Variants in ACACA observed in about 807,000 individuals in gnomAD.
ACACA encodes acetyl-CoA carboxylase alpha.
Under a neutral mutation model 296.1 loss-of-function variants are expected in ACACA, and 103 were observed. The ratio of observed to expected loss-of-function variants is 0.35; its 90% CI spans 0.30 to 0.41. The LOEUF (loss-of-function observed/expected upper bound fraction) is 0.41. ACACA is among the 10% of genes least tolerant of loss of function. The probability of loss-of-function intolerance (pLI) is 1.00; values close to 1 mark genes in which losing one functional copy is unlikely to be tolerated. For missense variants in ACACA, 1,554 were observed against 2,989.7 expected (o/e 0.52, Z 11.20); for synonymous variants, 953 against 1,038.6 (o/e 0.92, Z 1.58).
chr17:37,137,572 T>C (rs2075385432), intron 45 of ACACA, among the ~76,000 whole-genome samples: 1 of 152,238 alleles, frequency 6.6e-6, no homozygotes, highest in Admixed American at 6.5e-5. Flanking sequence ...CTATGTATTC[T>C]ATAAAACCTC....
intron 1 of ACACA, chr17:37,365,529 C>T: frequency 2.0e-6 from 2 of 985,432 alleles, no homozygotes; most frequent in Non-Finnish European, 2.4e-6. Flanking sequence ...TATATAGCTG[C>T]TTTACAGATG....
chr17:37,291,025 T>C (rs866698536), intron 3 of ACACA, among the ~76,000 whole-genome samples: 3 of 141,128 alleles, frequency 2.1e-5, no homozygotes, highest in African/African-American at 2.7e-5. Flanking sequence ...GAGGTTGCAG[T>C]GAGCCGAGAT....
At chr17:37,315,222 T>G (rs1327809305) in intron 3 of ACACA, among the ~76,000 whole-genome samples, 2 of 152,208 alleles carry the variant, frequency 1.3e-5, no homozygotes, top group African/African-American at 4.8e-5. Flanking sequence ...CCTCCCAAAG[T>G]GCTGGGATTA....
intron 1 of ACACA, among the ~76,000 whole-genome samples, chr17:37,381,915 C>G (rs925742545): frequency 6.6e-6 from 1 of 152,202 alleles, no homozygotes; most frequent in East Asian, 1.9e-4. Context: ...GCGTGAGCCA[C>G]TGCACCCGGC....
intron 3 of ACACA, among the ~76,000 whole-genome samples, chr17:37,290,454 T>C (rs144465508): frequency 4.1e-4 from 62 of 152,314 alleles, no homozygotes; most frequent in African/African-American, 1.4e-3. Context: ...TATGCTAAGC[T>C]CTTCACATGC....
chr17:37,399,966 T>C (rs1112173), intron 1 of ACACA, among the ~76,000 whole-genome samples: 111,844 of 151,980 alleles, frequency 0.74, 41,969 homozygotes, highest in East Asian at 0.97. Context: ...TGTTGATAGA[T>C]GTACTCATTG....
chr17:37,205,498 G>A (rs1199407733), intron 33 of ACACA, among the ~76,000 whole-genome samples: 2 of 152,162 alleles, frequency 1.3e-5, no homozygotes, highest in African/African-American at 4.8e-5. Flanking sequence ...CGAAGTTCAA[G>A]ACTGGAGCTC....
chr17:37,287,752 A>C (rs2082852212), intron 3 of ACACA, among the ~76,000 whole-genome samples: 1 of 145,606 alleles, frequency 6.9e-6, no homozygotes, highest in South Asian at 2.5e-4. Context: ...CAAAAACAAA[A>C]AGACAAAAAA....
chr17:37,391,868 T>C (rs2050899259), intron 1 of ACACA: 3 of 780,656 alleles, frequency 3.8e-6, no homozygotes, highest in South Asian at 1.6e-5. Context: ...GAAGGGAGAG[T>C]GTGGGCTTAG....
At chr17:37,162,945 G>A (rs771561034) in intron 41 of ACACA, 55 of 154,414 alleles carry the variant, frequency 3.6e-4, no homozygotes, top group Non-Finnish European at 7.3e-4. Flanking sequence ...GTGCTAGTGA[G>A]ACATGGGCAC....
chr17:37,169,760 C>T (rs771895165), intron 41 of ACACA, among the ~76,000 whole-genome samples: 1 of 152,178 alleles, frequency 6.6e-6, no homozygotes, highest in Non-Finnish European at 1.5e-5. Flanking sequence ...ACGGAGACCC[C>T]ATCATTAAAT....
At chr17:37,212,682 G>C (rs2078801971) in intron 29 of ACACA, among the ~76,000 whole-genome samples, 1 of 149,520 alleles carries the variant, frequency 6.7e-6, no homozygotes, top group South Asian at 2.1e-4. Flanking sequence ...ATAGAGACAA[G>C]GTCCCACTAT....
rs148757646 is a variant in ACACA, at chr17:37,280,597, T to C, written c.611-2592A>G. 8.5e-5 allele frequency among the ~76,000 whole-genome samples: 13 copies of C among 152,178 alleles called. No individual in the cohort carries two copies. In the East Asian group the frequency reaches 2.5e-3, roughly 29 times the overall value. ...ATGAAGAATAATATGGTATCAAGGATTTGCATCAAAATAATTGTGCACGGG... is the reference window on the plus strand; with the variant it reads ...ATGAAGAATAATATGGTATCAAGGACTTGCATCAAAATAATTGTGCACGGG... On this transcript the variant is annotated intron_variant, in intron 5 of 55. Transcript: ENST00000616317.
At chr17:37,358,179 G>A (rs2049230438) in intron 1 of ACACA, among the ~76,000 whole-genome samples, 2 of 151,994 alleles carry the variant, frequency 1.3e-5, no homozygotes, top group African/African-American at 2.4e-5. Flanking sequence ...GAACCCACAA[G>A]GCCTACACGA....
intron 3 of ACACA, among the ~76,000 whole-genome samples, chr17:37,304,665 C>T (rs189123634): frequency 1.3e-5 from 2 of 151,886 alleles, no homozygotes; most frequent in East Asian, 3.9e-4. Flanking sequence ...TGGTGGTGCA[C>T]GCCTGTACCA....
rs145745662 is a variant in ACACA at position 37,302,703 on chromosome 17, G to C, written c.339-17733C>G. On this transcript the variant is annotated intron_variant, in intron 3 of 55. Transcript: ENST00000616317. ...ATTCTTTTTAATGCTATCATGAACA[G>C]AATATTTTCTTAATTTCATTTTTGG... is the stretch of plus-strand genomic sequence containing the variant. 4.8e-4 allele frequency among the ~76,000 whole-genome samples: 73 copies of C among 152,218 alleles called. No homozygotes were observed. In the East Asian group the frequency reaches 5.6e-3, roughly 12 times the overall value.
intron 23 of ACACA, among the ~76,000 whole-genome samples, chr17:37,241,038 C>A (rs1406771024): frequency 2.6e-5 from 4 of 151,768 alleles, no homozygotes; most frequent in Non-Finnish European, 5.9e-5. Context: ...ACAAAAAATA[C>A]AAAAAAATTA....
intron 11 of ACACA, among the ~76,000 whole-genome samples, chr17:37,262,479 C>G (rs571580269): frequency 6.6e-6 from 1 of 152,142 alleles, no homozygotes; most frequent in East Asian, 1.9e-4. Flanking sequence ...TGGTAAAGAG[C>G]CAGATAGTAA....
intron 3 of ACACA, among the ~76,000 whole-genome samples, chr17:37,304,661 T>C (rs1429785941): frequency 1.3e-5 from 2 of 151,876 alleles, no homozygotes; most frequent in African/African-American, 4.8e-5. Context: ...GGCGTGGTGG[T>C]GCACGCCTGT....
Sources: gnomAD v4.1 joint callset for allele counts (sites outside exome capture counted in the v4.1 genomes callset) on GRCh38, gnomAD v4.1.1 for gene constraint, MANE v1.5 for transcripts, NCBI Gene and HGNC (gene_info 2026-07-23, HGNC 2026-07-21) for gene names.